Variants in GLIS3 observed in about 807,000 individuals in gnomAD.
GLIS3 encodes the protein zinc finger protein GLIS3.
Under a neutral mutation model 78.6 loss-of-function variants are expected in GLIS3, and 53 were observed. That is an observed-to-expected ratio of 0.67 (90% confidence interval 0.54 to 0.85). The LOEUF is 0.85. Ranked by LOEUF, GLIS3 falls within the 40% of genes least tolerant of loss-of-function variation. The pLI is 0.00. For missense variants in GLIS3, 1,703 were observed against 1,231.1 expected (o/e 1.38, Z -5.74); for synonymous variants, 684 against 509.9 (o/e 1.34, Z -4.60).
the GLIS3 span, among the ~76,000 whole-genome samples, chr9:4,450,882 A>C: frequency 3.3e-5 from 5 of 152,304 alleles, no homozygotes; most frequent in African/African-American, 9.6e-5. Context: ...CTGGTACCAG[A>C]CACTGCAAAA....
At chr9:4,162,667 T>C (rs528576701) in intron 2 of GLIS3, among the ~76,000 whole-genome samples, 25 of 151,874 alleles carry the variant, frequency 1.6e-4, no homozygotes, top group East Asian at 3.9e-4. Context: ...CCATCCTGGC[T>C]AACACGGTGA....
intron 2 of GLIS3, among the ~76,000 whole-genome samples, chr9:4,217,201 G>T (rs775269315): frequency 5.3e-5 from 8 of 152,192 alleles, no homozygotes; most frequent in Non-Finnish European, 1.2e-4. Flanking sequence ...AGCACCCAAA[G>T]AGGACTTTCA....
chr9:4,258,463 G>C (rs913238523), intron 2 of GLIS3, among the ~76,000 whole-genome samples: 1 of 152,212 alleles, frequency 6.6e-6, no homozygotes, highest in Admixed American at 6.5e-5. Context: ...GCTAGGAAGT[G>C]TTGGGAATTT....
intron 2 of GLIS3, among the ~76,000 whole-genome samples, chr9:4,311,277 C>T (rs757110441): frequency 2.0e-5 from 3 of 152,112 alleles, no homozygotes; most frequent in Non-Finnish European, 4.4e-5. Context: ...GGCGTGGTGG[C>T]ACATGCCTGT....
chr9:4,273,808 A>C (rs957049581), intron 2 of GLIS3, among the ~76,000 whole-genome samples: 1 of 151,856 alleles, frequency 6.6e-6, no homozygotes, highest in African/African-American at 2.4e-5. Context: ...AAGATCCCCA[A>C]TCTCTTGTCT....
intron 7 of GLIS3, among the ~76,000 whole-genome samples, chr9:3,892,196 C>G (rs1176491227): frequency 6.6e-6 from 1 of 151,944 alleles, no homozygotes; most frequent in African/African-American, 2.4e-5. Flanking sequence ...GGACTGGAGT[C>G]TCAGGAGCAA....
the GLIS3 span, among the ~76,000 whole-genome samples, chr9:4,368,935 C>T: frequency 6.6e-6 from 1 of 152,146 alleles, no homozygotes; most frequent in Non-Finnish European, 1.5e-5. Context: ...TAATCTAAAC[C>T]TGGTTTATGT....
chr9:4,230,047 T>C (rs1822114617), intron 2 of GLIS3, among the ~76,000 whole-genome samples: 1 of 152,196 alleles, frequency 6.6e-6, no homozygotes, highest in African/African-American at 2.4e-5. Flanking sequence ...AAATAGTTCC[T>C]TGGCATTCCT....
intron 6 of GLIS3, among the ~76,000 whole-genome samples, chr9:3,915,274 A>T (rs905637986): frequency 2.6e-5 from 4 of 152,022 alleles, no homozygotes; most frequent in Non-Finnish European, 5.9e-5. Flanking sequence ...AATTATCCCA[A>T]TCCCCTCTCA....
At chr9:4,034,495 G>C (rs1824142813) in intron 4 of GLIS3, 1 of 152,190 alleles carries the variant, frequency 6.6e-6, no homozygotes, top group South Asian at 2.1e-4. Flanking sequence ...CACAACACCT[G>C]ATAATTAGGA....
intron 1 of GLIS3, among the ~76,000 whole-genome samples, chr9:4,291,337 T>C (rs1815956968): frequency 6.6e-6 from 1 of 152,138 alleles, no homozygotes; most frequent in Admixed American, 6.5e-5. Flanking sequence ...TCAGAAAAGA[T>C]AATGTAATGA....
the GLIS3 span, among the ~76,000 whole-genome samples, chr9:4,425,428 C>T: frequency 6.6e-6 from 1 of 152,230 alleles, no homozygotes; most frequent in Non-Finnish European, 1.5e-5. Flanking sequence ...ATCTGCCTTC[C>T]TGCCCTCAGT....
chr9:3,909,126 G>A (rs1348132121), intron 6 of GLIS3, among the ~76,000 whole-genome samples: 1 of 152,212 alleles, frequency 6.6e-6, no homozygotes, highest in African/African-American at 2.4e-5. Context: ...AGGAAAGACA[G>A]TAGGATTTTT....
chr9:4,100,171 G>C (rs1030944852), intron 4 of GLIS3, among the ~76,000 whole-genome samples: 1 of 152,174 alleles, frequency 6.6e-6, no homozygotes, highest in African/African-American at 2.4e-5. Flanking sequence ...TCCTAGAACA[G>C]AAACCAGAAC....
intron 4 of GLIS3, among the ~76,000 whole-genome samples, chr9:3,947,452 T>C (rs572490515): frequency 2.6e-5 from 4 of 152,338 alleles, no homozygotes; most frequent in South Asian, 2.1e-4. Flanking sequence ...TATAGGCACA[T>C]AGGTGCAAAT....
intron 4 of GLIS3, among the ~76,000 whole-genome samples, chr9:4,057,196 GC>G (rs1313657796): frequency 1.3e-5 from 2 of 152,022 alleles, no homozygotes; most frequent in East Asian, 3.9e-4. Flanking sequence ...GGCATCAAAG[GC>G]CATGCAGTCC....
chr9:3,850,919 A>G (rs541465699), intron 9 of GLIS3, among the ~76,000 whole-genome samples: 6 of 152,372 alleles, frequency 3.9e-5, no homozygotes, highest in Non-Finnish European at 7.3e-5. Flanking sequence ...CTCTTCAAGT[A>G]TCACTTCTAC....
At chr9:4,321,883 A>C (rs1481985292) in intron 2 of GLIS3, among the ~76,000 whole-genome samples, 1 of 151,894 alleles carries the variant, frequency 6.6e-6, no homozygotes, top group African/African-American at 2.4e-5. Context: ...AATTGTTTTC[A>C]TTTTTATTAT....
At chr9:3,996,756 G>A (rs1411073661) in intron 4 of GLIS3, among the ~76,000 whole-genome samples, 1 of 151,924 alleles carries the variant, frequency 6.6e-6, no homozygotes, top group Non-Finnish European at 1.5e-5. Context: ...GGTTTTTTTA[G>A]AAGAATAATA....
Sources: allele counts gnomAD v4.1 joint callset (sites outside exome capture counted in the v4.1 genomes callset), GRCh38; gene constraint gnomAD v4.1.1; transcripts MANE v1.5; gene names NCBI Gene and HGNC (gene_info 2026-07-23, HGNC 2026-07-21).